The following N4BP2 variants were observed in gnomAD, a reference collection of about 807,000 sequenced individuals.
N4BP2 encodes the protein NEDD4-binding protein 2.
N4BP2 carries 91 observed loss-of-function variants against 152.8 expected under a neutral mutation model. The ratio of observed to expected loss-of-function variants is 0.60; its 90% CI spans 0.50 to 0.71. The LOEUF is 0.71. Among genes scored for constraint, N4BP2 ranks in the 30% least tolerant of loss-of-function variants. The pLI is 0.00. For missense variants in N4BP2, 1,923 were observed against 2,059.1 expected (o/e 0.93, Z 1.28); for synonymous variants, 646 against 705.3 (o/e 0.92, Z 1.33).
chr4:40,131,718 G>C, intron 12 of N4BP2, 83 bp from the exon 13 acceptor site: 1 of 957,532 alleles, frequency 1.0e-6, no homozygotes, highest in Non-Finnish European at 1.6e-6. Context: ...CAGTAGTTTT[G>C]CAACAAGTTA....
intron 7 of N4BP2, 23 bp downstream of exon 7, chr4:40,113,531 C>G (rs774240913): frequency 1.7e-5 from 26 of 1,549,700 alleles, no homozygotes; most frequent in Non-Finnish European, 2.2e-5. Flanking sequence ...GGCTACCTAA[C>G]ATGCTTTTTA....
intron 2 of N4BP2, among the ~76,000 whole-genome samples, chr4:40,080,195 T>C (rs1423164876): frequency 6.6e-6 from 1 of 151,968 alleles, no homozygotes; most frequent in Non-Finnish European, 1.5e-5. Context: ...AAAAGGAAGA[T>C]ACGTAAGATT....
chr4:40,188,744 C>CAA, the N4BP2 span, among the ~76,000 whole-genome samples: 27 of 91,002 alleles, frequency 3.0e-4, no homozygotes, highest in African/African-American at 5.4e-4. Flanking sequence ...GACTCCATCT[C>CAA]AAAAAAAAAA....
At chr4:40,145,230 G>C (rs981090959) in intron 16 of N4BP2, among the ~76,000 whole-genome samples, 1 of 146,266 alleles carries the variant, frequency 6.8e-6, no homozygotes, top group African/African-American at 2.5e-5. Context: ...TTGTTTGTTT[G>C]TTTCTTTTTC....
intron 5 of N4BP2, among the ~76,000 whole-genome samples, 192 bp from the exon 6 acceptor site, chr4:40,111,891 TG>T (rs1340340339): frequency 6.6e-6 from 1 of 152,086 alleles, no homozygotes; most frequent in African/African-American, 2.4e-5. Context: ...GCTGGGATTA[TG>T]GGCATGAGCC....
Position 40,117,972 on chromosome 4 carries a change from A to G in N4BP2, c.1768A>G (p.Lys590Glu). The change falls in exon 8 of 18, where the codon AAA (lysine) becomes GAA (glutamate). Residue 590 changes from lysine (K) to glutamate (E), a missense_variant. Coordinates refer to ENST00000261435, the MANE Select transcript of N4BP2 (RefSeq NM_018177.6). ...AATTATGAGTTCTTCGGTTCCAGAG[A>G]AAATTGAACGTATTGAGTTGTGTGC... ...PIIMSSSVPEKIERIELCAYS... is the reference protein window; with the variant it reads ...PIIMSSSVPEEIERIELCAYS... 1 of 1,612,750 alleles carries G rather than the reference A, an allele frequency of 6.2e-7. No homozygotes were observed. Among genetic ancestry groups the G allele is most frequent in the Non-Finnish European group, 8.5e-7 (1 of 1,179,308 alleles).
downstream of N4BP2, chr4:40,158,353 T>A (rs1721758590): frequency 6.6e-6 from 1 of 152,164 alleles, no homozygotes; most frequent in Admixed American, 6.5e-5. Flanking sequence ...GGGGAAAGTG[T>A]CATGAAAATT....
At position 40,121,494 on chromosome 4, in the gene N4BP2, C is replaced by T. The variant is rs1189601932; in HGVS notation, c.3383C>T (p.Ser1128Phe). The change falls in exon 9 of 18, where the codon TCT becomes TTT. Residue 1128 changes from serine (S) to phenylalanine (F), a missense_variant. Coordinates refer to ENST00000261435, the MANE Select transcript of N4BP2 (RefSeq NM_018177.6). ...IIWATSLLLD[S>F]ETKLCEDTEF... ...TGGGCCACAAGCCTTTTGTTGGATTCTGAAACTAAGTTATGTGAGGATACA... is the reference window on the plus strand; with the variant it reads ...TGGGCCACAAGCCTTTTGTTGGATTTTGAAACTAAGTTATGTGAGGATACA... 3 of 1,614,066 alleles carry T rather than the reference C, an allele frequency of 1.9e-6. No individual in the cohort carries two copies. The South Asian group carries it at 3.3e-5, about 18-fold the overall frequency.
chr4:40,105,263 T>C (rs1291178176), intron 4 of N4BP2, among the ~76,000 whole-genome samples: 3 of 151,864 alleles, frequency 2.0e-5, no homozygotes, highest in African/African-American at 7.3e-5. Context: ...GCTCTGATGA[T>C]GGAGTTAAAG....
the N4BP2 span, among the ~76,000 whole-genome samples, chr4:40,183,650 T>G: frequency 6.6e-6 from 1 of 152,230 alleles, no homozygotes; most frequent in African/African-American, 2.4e-5. Context: ...TTTTACATTT[T>G]ATAAGAGGTT....
At chr4:40,140,159 CAG>C (rs1212116336) in intron 14 of N4BP2, among the ~76,000 whole-genome samples, 19 of 152,240 alleles carry the variant, frequency 1.2e-4, no homozygotes, top group African/African-American at 4.1e-4. Flanking sequence ...TAAGACCACT[CAG>C]GGGTAAATTA....
chr4:40,151,860 A>G (rs1402822955), intron 16 of N4BP2, among the ~76,000 whole-genome samples: 2 of 152,224 alleles, frequency 1.3e-5, no homozygotes, highest in Admixed American at 1.3e-4. Context: ...TCTTGGAGAT[A>G]TGATACTTGA....
chr4:40,071,609 C>T (rs1712187887), intron 1 of N4BP2, among the ~76,000 whole-genome samples: 1 of 152,050 alleles, frequency 6.6e-6, no homozygotes, highest in Admixed American at 6.6e-5. Context: ...TCTTGTTGCC[C>T]AGGCTGGAGT....
At chr4:40,066,688 GT>G (rs945120180) in intron 1 of N4BP2, among the ~76,000 whole-genome samples, 9 of 152,048 alleles carry the variant, frequency 5.9e-5, no homozygotes, top group Non-Finnish European at 1.0e-4. Context: ...CCTTGTCTCA[GT>G]TTTTTTCTTT....
intron 16 of N4BP2, among the ~76,000 whole-genome samples, chr4:40,148,210 A>T (rs903209176): frequency 2.6e-5 from 4 of 152,232 alleles, no homozygotes; most frequent in Admixed American, 2.6e-4. Flanking sequence ...GCACCTCGGG[A>T]GGCCGAGGCT....
chr4:40,136,950 A>G lies in N4BP2; in HGVS notation c.4653A>G (p.Ser1551=). ...LVDIFKDHNY[S]LEHTVQFLNC... ...CTACTTAAATTTTCTACAGCTATTC[A>G]TTAGAACACACAGTGCAATTTCTTA... The change falls in exon 14 of 18, where the codon TCA becomes TCG. Residue 1551 remains serine (S), a synonymous_variant. Coordinates refer to ENST00000261435, the MANE Select transcript of N4BP2 (RefSeq NM_018177.6). 6.2e-7 allele frequency: 1 copy of G among 1,608,316 alleles called. No homozygotes were observed. Among genetic ancestry groups the G allele is most frequent in the Non-Finnish European group, 8.5e-7 (1 of 1,176,742 alleles).
rs145313505 is a variant in N4BP2, at chr4:40,138,582, A to G, written c.4785+1500A>G. Among the ~76,000 whole-genome samples, 787 of 152,300 alleles carry G rather than the reference A, an allele frequency of 5.2e-3. 4 individuals are homozygous for G. Among genetic ancestry groups the G allele is most frequent in the African/African-American group, 0.018 (731 of 41,570 alleles). ...ATCCATTTTGAGTTAATTTTTGTAT[A>G]TGTAGTGAGATAGAAGTTCAAGTTG... On this transcript the variant is annotated intron_variant, in intron 14 of 17. Transcript: ENST00000261435.
chr4:40,139,665 G>T (rs934134642), intron 14 of N4BP2, among the ~76,000 whole-genome samples: 10 of 151,536 alleles, frequency 6.6e-5, no homozygotes, highest in African/African-American at 2.4e-4. Flanking sequence ...CTAATTTTTT[G>T]TATTTTTAGT....
the N4BP2 span, among the ~76,000 whole-genome samples, chr4:40,164,025 A>G: frequency 2.6e-5 from 4 of 152,206 alleles, no homozygotes; most frequent in African/African-American, 9.7e-5. Context: ...AAACAGAGAC[A>G]TCAGTTGGTT....
Sources: gnomAD v4.1 joint callset for allele counts (sites outside exome capture counted in the v4.1 genomes callset) on GRCh38, gnomAD v4.1.1 for gene constraint, MANE v1.5 for transcripts, NCBI Gene and HGNC (gene_info 2026-07-23, HGNC 2026-07-21) for gene names.